DPP10: variants seen among roughly 807,000 people sequenced by gnomAD.
DPP10 encodes inactive dipeptidyl peptidase 10.
Under a neutral mutation model 120.9 loss-of-function variants are expected in DPP10, and 33 were observed. That is an observed-to-expected ratio of 0.27 (90% CI 0.21 to 0.37). The LOEUF (loss-of-function observed/expected upper bound fraction) is 0.37, where lower values mean the gene tolerates loss of function less well. DPP10 is among the 10% of genes least tolerant of loss of function. The pLI is 1.00. For missense variants in DPP10, 816 were observed against 942.8 expected (o/e 0.87, Z 1.76); for synonymous variants, 337 against 326.1 (o/e 1.03, Z -0.36).
At position 114,928,958 on chromosome 2, in the gene DPP10, C is replaced by T. The variant is rs1048872219; in HGVS notation, c.61-380281C>T. On this transcript the variant is annotated intron_variant, in intron 1 of 25. Coordinates refer to ENST00000410059, the MANE Select transcript of DPP10 (RefSeq NM_020868.6). Reference sequence around the variant, plus strand: ...GGGGAACCAGCCCCCAATATTTCAACGTAGGTTCTTTTCTATTTTCCCTAA... The same window carrying T: ...GGGGAACCAGCCCCCAATATTTCAATGTAGGTTCTTTTCTATTTTCCCTAA... Among the ~76,000 whole-genome samples, 7 of 152,108 alleles carry T rather than the reference C, an allele frequency of 4.6e-5. No individual in the cohort carries two copies. In the East Asian group the frequency reaches 5.8e-4, roughly 13 times the overall value.
chr2:114,878,691 T>G (rs1016119963), intron 1 of DPP10, among the ~76,000 whole-genome samples: 9 of 152,114 alleles, frequency 5.9e-5, no homozygotes, highest in African/African-American at 2.2e-4. Flanking sequence ...CTATCCATCC[T>G]TATGTGCCTG....
At chr2:114,659,849 G>C (rs1042389713) in intron 1 of DPP10, among the ~76,000 whole-genome samples, 1 of 152,196 alleles carries the variant, frequency 6.6e-6, no homozygotes, top group African/African-American at 2.4e-5. Flanking sequence ...AGAGGGAAGA[G>C]AGCTGTATAA....
chr2:115,186,138 C>G (rs917835017), intron 1 of DPP10, among the ~76,000 whole-genome samples: 3 of 152,026 alleles, frequency 2.0e-5, no homozygotes, highest in African/African-American at 7.2e-5. Context: ...TTATTTCTTC[C>G]CCTATTCCCT....
At chr2:114,612,470 T>C (rs1693356626) in intron 1 of DPP10, among the ~76,000 whole-genome samples, 1 of 152,192 alleles carries the variant, frequency 6.6e-6, no homozygotes, top group Non-Finnish European at 1.5e-5. Context: ...TGGTGCTTTT[T>C]CCCTCATTTC....
At chr2:115,809,195 A>T (rs1686356326) in intron 19 of DPP10, among the ~76,000 whole-genome samples, 1 of 151,768 alleles carries the variant, frequency 6.6e-6, no homozygotes, top group African/African-American at 2.4e-5. Context: ...GAAGAAATTT[A>T]AAAATAATAA....
intron 1 of DPP10, among the ~76,000 whole-genome samples, chr2:115,238,740 A>C (rs1019265805): frequency 2.6e-5 from 4 of 152,230 alleles, no homozygotes; most frequent in Admixed American, 2.0e-4. Context: ...TTGAAATGAC[A>C]GCAAAGGATT....
intron 8 of DPP10, among the ~76,000 whole-genome samples, chr2:115,732,051 C>G (rs981994377): frequency 6.7e-6 from 1 of 150,116 alleles, no homozygotes; most frequent in African/African-American, 2.4e-5. Flanking sequence ...ATGATATTGC[C>G]TAGGGAATGC....
At chr2:114,909,579 T>A (rs1296309328) in intron 1 of DPP10, among the ~76,000 whole-genome samples, 1 of 152,054 alleles carries the variant, frequency 6.6e-6, no homozygotes, top group Non-Finnish European at 1.5e-5. Context: ...TGGAGATGTA[T>A]AGCGTTCTTA....
intron 1 of DPP10, among the ~76,000 whole-genome samples, chr2:114,907,091 G>T (rs1410752466): frequency 6.6e-6 from 1 of 151,698 alleles, no homozygotes; most frequent in Non-Finnish European, 1.5e-5. Context: ...TTTCATATAA[G>T]TTATCCTAAT....
chr2:114,495,941 C>A (rs1365612707), intron 1 of DPP10, among the ~76,000 whole-genome samples: 1 of 152,156 alleles, frequency 6.6e-6, no homozygotes, highest in Non-Finnish European at 1.5e-5. Context: ...TTGCTATTGC[C>A]CTTTGGCAAT....
intron 1 of DPP10, among the ~76,000 whole-genome samples, chr2:114,944,196 A>T (rs1201688312): frequency 6.6e-6 from 1 of 152,142 alleles, no homozygotes; most frequent in Non-Finnish European, 1.5e-5. Flanking sequence ...TTTAAAGTAG[A>T]TATTTCCTTG....
At chr2:115,770,760 A>G (rs1176858876) in intron 13 of DPP10, among the ~76,000 whole-genome samples, 1 of 152,154 alleles carries the variant, frequency 6.6e-6, no homozygotes, top group Non-Finnish European at 1.5e-5. Context: ...TGAAAAATTC[A>G]AACTTAATAA....
At chr2:114,451,718 G>T (rs1678286722) in intron 1 of DPP10, among the ~76,000 whole-genome samples, 1 of 152,092 alleles carries the variant, frequency 6.6e-6, no homozygotes, top group Admixed American at 6.6e-5. Context: ...GGATTTGGCT[G>T]TACTCTGACG....
chr2:115,498,701 TA>T lies in DPP10; in HGVS notation c.272-807del, dbSNP rs2076531176. ...TTTTACCTAATCATATATATATATA[TA>T]ATTATGTATAATTATATATATATAT... On this transcript the variant is annotated intron_variant, in intron 3 of 25. Coordinates refer to ENST00000410059, the MANE Select transcript of DPP10 (RefSeq NM_020868.6). 5.2e-5 allele frequency among the ~76,000 whole-genome samples: 3 copies of T among 57,710 alleles called. No homozygotes were observed. The South Asian group carries it at 2.5e-3, about 47-fold the overall frequency. 37.9% of individuals were successfully genotyped at this position (57,710 alleles called of 152,430 possible).
chr2:115,500,147 G>T (rs2076609156), intron 4 of DPP10, among the ~76,000 whole-genome samples: 1 of 151,606 alleles, frequency 6.6e-6, no homozygotes, highest in Non-Finnish European at 1.5e-5. Context: ...TATTTATATT[G>T]GTCTTAATAC....
chr2:114,589,528 A>G (rs1691283369), intron 1 of DPP10, among the ~76,000 whole-genome samples: 1 of 152,232 alleles, frequency 6.6e-6, no homozygotes, highest in South Asian at 2.1e-4. Context: ...ATATACAAGA[A>G]TACACATTAG....
intron 5 of DPP10, among the ~76,000 whole-genome samples, chr2:115,575,863 G>A (rs1271022559): frequency 6.6e-6 from 1 of 152,278 alleles, no homozygotes; most frequent in East Asian, 1.9e-4. Flanking sequence ...AGGAAGTGAC[G>A]CATGAGCTCA....
chr2:115,637,364 GTTAA>G (rs1443847686), intron 5 of DPP10, among the ~76,000 whole-genome samples: 11 of 152,132 alleles, frequency 7.2e-5, no homozygotes, highest in Admixed American at 2.0e-4. Flanking sequence ...AGAGGGGTAA[GTTAA>G]TTGTTTTTAA....
Position 115,522,316 on chromosome 2 carries a change from A to G in DPP10, c.367-3582A>G, listed in dbSNP as rs189596639. On this transcript the variant is annotated intron_variant, in intron 4 of 25. Transcript: ENST00000410059. ...GTTTTGGACCCTTGCTCTACCAGTG[A>G]CTAACGAGGTTCATGACATGCATCT... 3.3e-5 allele frequency among the ~76,000 whole-genome samples: 5 copies of G among 152,266 alleles called. No homozygotes were observed. In the East Asian group the frequency reaches 9.7e-4, roughly 29 times the overall value.
Sources: gnomAD v4.1 joint callset for allele counts (sites outside exome capture counted in the v4.1 genomes callset) on GRCh38, gnomAD v4.1.1 for gene constraint, MANE v1.5 for transcripts, NCBI Gene and HGNC (gene_info 2026-07-23, HGNC 2026-07-21) for gene names.